Variants in HDAC9 observed in about 807,000 individuals in gnomAD.
HDAC9 encodes histone deacetylase 9.
A neutral mutation model predicts 139.4 loss-of-function variants in HDAC9; 41 were observed. That is an observed-to-expected ratio of 0.29 (90% CI 0.23 to 0.38). The LOEUF is 0.38. Ranked by LOEUF, HDAC9 falls within the 10% of genes least tolerant of loss-of-function variation. HDAC9 has a pLI of 1.00. For synonymous variants in HDAC9, 517 were observed against 476.2 expected, an observed-to-expected ratio of 1.09 and a Z score of -1.12; for missense variants, 1,147 against 1,297.0, an observed-to-expected ratio of 0.88 and a Z score of 1.78.
At chr7:18,976,415 A>G (rs1274405893) in intron 25 of HDAC9, among the ~76,000 whole-genome samples, 1 of 151,944 alleles carries the variant, frequency 6.6e-6, no homozygotes, top group African/African-American at 2.4e-5. Context: ...ATACATACAC[A>G]CTCCTTACGT....
chr7:18,153,298 G>C (rs994330200), intron 1 of HDAC9, among the ~76,000 whole-genome samples: 2 of 152,110 alleles, frequency 1.3e-5, no homozygotes, highest in Non-Finnish European at 2.9e-5. Flanking sequence ...TACACTCCAC[G>C]GGGTGGGAGT....
intron 1 of HDAC9, among the ~76,000 whole-genome samples, chr7:18,424,462 A>T (rs1789928122): frequency 6.6e-6 from 1 of 152,202 alleles, no homozygotes. Context: ...CTCATTTTTC[A>T]CAGTTCTTTA....
chr7:18,762,347 G>A, intron 15 of HDAC9, 70 bp downstream of exon 15: 2 of 1,553,218 alleles, frequency 1.3e-6, no homozygotes, highest in Non-Finnish European at 1.8e-6. Context: ...GCTGGTGTCA[G>A]TTCAAAATAC....
At chr7:18,503,844 C>T (rs1212888783) in intron 2 of HDAC9, among the ~76,000 whole-genome samples, 1 of 152,128 alleles carries the variant, frequency 6.6e-6, no homozygotes, top group East Asian at 1.9e-4. Flanking sequence ...ATGTTATTTT[C>T]AATTTGCTTG....
chr7:18,583,277 C>G (rs1470469825), intron 2 of HDAC9, among the ~76,000 whole-genome samples: 1 of 152,052 alleles, frequency 6.6e-6, no homozygotes, highest in Non-Finnish European at 1.5e-5. Flanking sequence ...CTCCAAGTTA[C>G]GGATGAGGGA....
intron 2 of HDAC9, among the ~76,000 whole-genome samples, chr7:18,163,655 T>G (rs1584406057): frequency 6.6e-6 from 1 of 152,222 alleles, no homozygotes; most frequent in African/African-American, 2.4e-5. Flanking sequence ...AAGTGTGTTC[T>G]GTGAGCGGCA....
intron 12 of HDAC9, among the ~76,000 whole-genome samples, chr7:18,671,547 C>T (rs534299809): frequency 2.0e-5 from 3 of 152,080 alleles, no homozygotes; most frequent in African/African-American, 4.8e-5. Flanking sequence ...ATATTGTTCT[C>T]GGCTTCTTCT....
intron 11 of HDAC9, among the ~76,000 whole-genome samples, chr7:18,657,844 C>T (rs1791717201): frequency 6.6e-6 from 1 of 152,100 alleles, no homozygotes; most frequent in African/African-American, 2.4e-5. Context: ...AAAATCCAAA[C>T]ACTTTTACAT....
rs536214184 is a variant in HDAC9 at position 18,099,198 on chromosome 7, G to A, written c.-97+11985G>A. On this transcript the variant is annotated intron_variant, in intron 1 of 12. Transcript: ENST00000417496. The stretch of plus-strand genomic sequence containing the variant: ...AGTTCATCTGGGTGTGTTGGCTCAC[G>A]CCTGTAATCCCAGCACTTTGGGAGG... Among the ~76,000 whole-genome samples the A allele has an allele frequency of 5.3e-5, 8 of 152,266 alleles. No homozygotes were observed. The East Asian group carries it at 5.8e-4, about 11-fold the overall frequency.
At chr7:18,093,167 G>T (rs1434914183) in intron 1 of HDAC9, among the ~76,000 whole-genome samples, 1 of 152,172 alleles carries the variant, frequency 6.6e-6, no homozygotes, top group Non-Finnish European at 1.5e-5. Context: ...TCAAACTCTG[G>T]CAGTTTAGTT....
At chr7:18,952,817 GT>G (rs11410404) in intron 23 of HDAC9, among the ~76,000 whole-genome samples, 72 of 141,824 alleles carry the variant, frequency 5.1e-4, no homozygotes, top group South Asian at 2.2e-3. Context: ...TGGTGGTGAT[GT>G]TTTTTTTTTT....
chr7:18,815,996 T>G (rs76418100), intron 17 of HDAC9, among the ~76,000 whole-genome samples: 1,803 of 152,298 alleles, frequency 0.012, 38 homozygotes, highest in African/African-American at 0.041. Flanking sequence ...TGAAGTTAGC[T>G]GGGTTTAGGG....
chr7:18,176,632 T>C (rs1181112067), intron 2 of HDAC9, among the ~76,000 whole-genome samples: 1 of 152,170 alleles, frequency 6.6e-6, no homozygotes, highest in East Asian at 1.9e-4. Flanking sequence ...GCTATGAAAA[T>C]TCTGTTTGGG....
intron 25 of HDAC9, among the ~76,000 whole-genome samples, chr7:18,976,672 C>G (rs1173234896): frequency 2.6e-5 from 4 of 152,194 alleles, no homozygotes. Context: ...TGGTGTTCAT[C>G]ATTCAGTTCT....
intron 2 of HDAC9, among the ~76,000 whole-genome samples, chr7:18,525,340 C>T (rs1806486771): frequency 6.6e-6 from 1 of 151,698 alleles, no homozygotes. Context: ...TTTTAAAGTA[C>T]CTAAAAATAC....
chr7:18,899,752 G>A (rs1041467517), intron 22 of HDAC9, among the ~76,000 whole-genome samples: 1 of 151,396 alleles, frequency 6.6e-6, no homozygotes, highest in Non-Finnish European at 1.5e-5. Flanking sequence ...ATATAACTAG[G>A]GTTATATAGC....
chr7:18,510,366 A>G (rs1801120722), intron 2 of HDAC9, among the ~76,000 whole-genome samples: 1 of 152,198 alleles, frequency 6.6e-6, no homozygotes. Context: ...ATATAAATGC[A>G]TACTTTTTTT....
intron 2 of HDAC9, among the ~76,000 whole-genome samples, chr7:18,538,833 CTG>C (rs947254177): frequency 2.0e-5 from 3 of 152,080 alleles, no homozygotes; most frequent in Admixed American, 6.5e-5. Context: ...ATGCTGGAGA[CTG>C]TGTAATTTAT....
intron 1 of HDAC9, among the ~76,000 whole-genome samples, chr7:18,486,767 A>G (rs910640193): frequency 2.0e-5 from 3 of 152,142 alleles, no homozygotes; most frequent in Non-Finnish European, 2.9e-5. Flanking sequence ...ATGTTTGGGT[A>G]TAATTTCGTC....
Sources: allele counts gnomAD v4.1 joint callset (sites outside exome capture counted in the v4.1 genomes callset), GRCh38; gene constraint gnomAD v4.1.1; transcripts MANE v1.5; gene names NCBI Gene and HGNC (gene_info 2026-07-23, HGNC 2026-07-21).